KCNMA1: variants seen among roughly 807,000 people sequenced by gnomAD.
The protein encoded by KCNMA1 is Calcium-activated potassium channel subunit alpha-1.
Under a neutral mutation model 140.0 loss-of-function variants are expected in KCNMA1, and 29 were observed. That is an observed-to-expected ratio of 0.21 (90% confidence interval 0.15 to 0.28). The LOEUF is 0.28. Among genes scored for constraint, KCNMA1 ranks in the 10% least tolerant of loss-of-function variants. KCNMA1 has a pLI of 1.00. For synonymous variants in KCNMA1, 612 were observed against 611.9 expected, an observed-to-expected ratio of 1.00 and a Z score of 0.00; for missense variants, 880 against 1,602.2, an observed-to-expected ratio of 0.55 and a Z score of 7.70.
At position 77,295,787 on chromosome 10, in the gene KCNMA1, CAAAAAAAAAAAAA is replaced by C. The variant is rs36034012; in HGVS notation, c.541-44544_541-44532del. Among the ~76,000 whole-genome samples the C allele has an allele frequency of 4.6e-4, 20 of 43,260 alleles. 1 individual carries two copies. Among genetic ancestry groups the C allele is most frequent in the South Asian group, 3.2e-3 (2 of 616 alleles). 28.4% of individuals were successfully genotyped at this position (43,260 alleles called of 152,430 possible). ...TGGGCGACAGAGCGAGACTCCGTCT[CAAAAAAAAAAAAA>C]AAAAAAAAAAAAAAAAACAGTTTTC... On this transcript the variant is annotated intron_variant, in intron 2 of 27. Transcript: ENST00000286628.
intron 2 of KCNMA1, among the ~76,000 whole-genome samples, chr10:77,254,377 A>G (rs1447719920): frequency 6.6e-6 from 1 of 151,954 alleles, no homozygotes; most frequent in Non-Finnish European, 1.5e-5. Flanking sequence ...GCCTGCCACC[A>G]TACCCGGCTA....
At chr10:77,126,216 G>C (rs995474130) in intron 5 of KCNMA1, among the ~76,000 whole-genome samples, 1 of 152,126 alleles carries the variant, frequency 6.6e-6, no homozygotes, top group African/African-American at 2.4e-5. Context: ...AGAAGAAAAT[G>C]TGTATATACC....
At chr10:77,399,779 CTG>C (rs2096200088) in intron 2 of KCNMA1, among the ~76,000 whole-genome samples, 1 of 152,350 alleles carries the variant, frequency 6.6e-6, no homozygotes, top group East Asian at 1.9e-4. Context: ...ACCTGGATCT[CTG>C]TTGCTCACTG....
downstream of KCNMA1, among the ~76,000 whole-genome samples, chr10:76,883,115 T>C (rs2035324899): frequency 6.6e-6 from 1 of 152,180 alleles, no homozygotes; most frequent in Non-Finnish European, 1.5e-5. Context: ...CCAAGAGGCA[T>C]ACTCAGTGTC....
chr10:77,033,597 T>G (rs551659860), intron 15 of KCNMA1, among the ~76,000 whole-genome samples: 1 of 152,292 alleles, frequency 6.6e-6, no homozygotes, highest in East Asian at 1.9e-4. Context: ...CTATTATTAT[T>G]AATGAGAAAC....
At chr10:77,137,026 G>T (rs1197807154) in intron 5 of KCNMA1, among the ~76,000 whole-genome samples, 2 of 152,152 alleles carry the variant, frequency 1.3e-5, no homozygotes, top group African/African-American at 4.8e-5. Flanking sequence ...TGGAATTTTA[G>T]CAATGACCAG....
At chr10:77,277,645 T>A (rs954117044) in intron 2 of KCNMA1, among the ~76,000 whole-genome samples, 5 of 152,176 alleles carry the variant, frequency 3.3e-5, no homozygotes, top group African/African-American at 1.2e-4. Flanking sequence ...GAATCACCAA[T>A]CACTTCTCCA....
intron 5 of KCNMA1, among the ~76,000 whole-genome samples, chr10:77,145,924 A>G (rs1418331491): frequency 6.6e-6 from 1 of 152,228 alleles, no homozygotes; most frequent in East Asian, 1.9e-4. Context: ...AAATGGGAAC[A>G]GTAATAGTAA....
chr10:77,094,644 A>T (rs2096885960), intron 9 of KCNMA1, among the ~76,000 whole-genome samples: 1 of 152,170 alleles, frequency 6.6e-6, no homozygotes, highest in African/African-American at 2.4e-5. Flanking sequence ...AAGCCATATG[A>T]TTGGAGCAAG....
chr10:77,013,347 A>C (rs1202876829), intron 17 of KCNMA1, among the ~76,000 whole-genome samples: 1 of 152,134 alleles, frequency 6.6e-6, no homozygotes, highest in Non-Finnish European at 1.5e-5. Flanking sequence ...GGACTTCTGA[A>C]TCCAAGTCCA....
At chr10:77,572,569 C>CTATATATAT (rs2071879711) in intron 1 of KCNMA1, among the ~76,000 whole-genome samples, 26 of 37,562 alleles carry the variant, frequency 6.9e-4, no homozygotes, top group African/African-American at 2.7e-3. Context: ...AAAAAAAATC[C>CTATATATAT]ATATATATAT....
rs1296329508 is a variant in KCNMA1, at chr10:77,517,740, T to A, written c.379-113717A>T. Among the ~76,000 whole-genome samples the A allele has an allele frequency of 2.0e-5, 3 of 152,196 alleles. No individual in the cohort carries two copies. The East Asian group carries it at 5.8e-4, about 29-fold the overall frequency. Reference sequence around the variant, plus strand: ...TTGCTGAGTCCATGCATTTGTTCATTTCCCCATTCAACAAGGAGGTATCAA... The same window carrying A: ...TTGCTGAGTCCATGCATTTGTTCATATCCCCATTCAACAAGGAGGTATCAA... On this transcript the variant is annotated intron_variant, in intron 1 of 27. Transcript: ENST00000286628.
At chr10:77,346,188 C>T (rs948660765) in intron 2 of KCNMA1, among the ~76,000 whole-genome samples, 1 of 152,152 alleles carries the variant, frequency 6.6e-6, no homozygotes, top group Non-Finnish European at 1.5e-5. Context: ...TCAGGTTAGC[C>T]CCAAGTGATG....
At chr10:77,241,354 C>T (rs536597122) in intron 3 of KCNMA1, among the ~76,000 whole-genome samples, 16 of 152,268 alleles carry the variant, frequency 1.1e-4, no homozygotes, top group African/African-American at 3.6e-4. Context: ...ATAATAACAA[C>T]GAATCCAGGC....
Position 77,395,401 on chromosome 10 carries a change from A to T in KCNMA1, c.540+8461T>A, listed in dbSNP as rs1603463156. 2.0e-5 allele frequency among the ~76,000 whole-genome samples: 3 copies of T among 152,308 alleles called. No individual in the cohort carries two copies. The South Asian group carries it at 6.2e-4, about 32-fold the overall frequency. On this transcript the variant is annotated intron_variant, in intron 2 of 27. Coordinates refer to ENST00000286628, the MANE Select transcript of KCNMA1 (RefSeq NM_001161352.2). The stretch of plus-strand genomic sequence containing the variant: ...ACCATCCTTAGCTTATGAACCACAC[A>T]AAAGAGGCAATGAGCCAGACTGTCC...
intron 3 of KCNMA1, among the ~76,000 whole-genome samples, chr10:77,240,565 T>G (rs1444050936): frequency 6.6e-6 from 1 of 152,226 alleles, no homozygotes; most frequent in Non-Finnish European, 1.5e-5. Context: ...GGCCCAAATC[T>G]GGCCTGCAGA....
chr10:77,205,996 A>AT (rs2043989510), intron 3 of KCNMA1, among the ~76,000 whole-genome samples: 1 of 152,186 alleles, frequency 6.6e-6, no homozygotes, highest in Non-Finnish European at 1.5e-5. Context: ...AATGGAATGA[A>AT]TTAATGCACC....
intron 13 of KCNMA1, among the ~76,000 whole-genome samples, chr10:77,075,068 T>A (rs2096347270): frequency 1.3e-5 from 2 of 152,204 alleles, no homozygotes; most frequent in South Asian, 4.1e-4. Context: ...ATCTTGTGCA[T>A]CCTAAGCCAA....
At chr10:77,634,196 G>A (rs1184991965) in intron 1 of KCNMA1, 19 of 985,150 alleles carry the variant, frequency 1.9e-5, no homozygotes, top group Non-Finnish European at 1.9e-5. Context: ...ACTTCACAAC[G>A]TCACACCCAA....
Sources: gnomAD v4.1 joint callset for allele counts (sites outside exome capture counted in the v4.1 genomes callset) on GRCh38, gnomAD v4.1.1 for gene constraint, MANE v1.5 for transcripts, NCBI Gene and HGNC (gene_info 2026-07-23, HGNC 2026-07-21) for gene names.